The following ELAVL2 variants were observed in gnomAD, a reference collection of about 807,000 sequenced individuals.
The protein encoded by ELAVL2 is ELAV like RNA binding protein 2, also known as ELAV-like protein 2.
ELAVL2 carries 4 observed loss-of-function variants against 34.6 expected under a neutral mutation model. The ratio of observed to expected loss-of-function variants is 0.12; its 90% CI spans 0.06 to 0.26. The LOEUF (loss-of-function observed/expected upper bound fraction) is 0.26, where lower values mean the gene tolerates loss of function less well. ELAVL2 is among the 10% of genes least tolerant of loss of function. The pLI, the probability that ELAVL2 is intolerant of heterozygous loss-of-function variation, is 1.00. For synonymous variants in ELAVL2, 193 were observed against 154.8 expected, an observed-to-expected ratio of 1.25 and a Z score of -1.83; for missense variants, 432 against 442.8, an observed-to-expected ratio of 0.98 and a Z score of 0.22.
At chr9:23,740,781 A>G (rs1418713617) in intron 2 of ELAVL2, among the ~76,000 whole-genome samples, 1 of 152,222 alleles carries the variant, frequency 6.6e-6, no homozygotes, top group African/African-American at 2.4e-5. Flanking sequence ...TCCATTTAAA[A>G]TGGGCCTTGA....
chr9:23,706,722 C>G (rs1266183513), intron 3 of ELAVL2, among the ~76,000 whole-genome samples: 1 of 152,104 alleles, frequency 6.6e-6, no homozygotes, highest in East Asian at 1.9e-4. Flanking sequence ...TGGTACCCAC[C>G]TTTAATCCAG....
At chr9:23,824,864 G>C (rs565396982) in intron 1 of ELAVL2, among the ~76,000 whole-genome samples, 20 of 152,308 alleles carry the variant, frequency 1.3e-4, no homozygotes, top group Admixed American at 1.3e-3. Context: ...AGGAGGGGGT[G>C]AGGGCTACGT....
At chr9:23,695,441 A>T (rs2132799356) in intron 5 of ELAVL2, among the ~76,000 whole-genome samples, 2 of 152,234 alleles carry the variant, frequency 1.3e-5, no homozygotes, top group South Asian at 4.1e-4. Context: ...CCAGAGACAG[A>T]TGAGTTTTCA....
chr9:23,789,464 C>G (rs1564474292), intron 1 of ELAVL2, among the ~76,000 whole-genome samples: 1 of 152,146 alleles, frequency 6.6e-6, no homozygotes, highest in Non-Finnish European at 1.5e-5. Context: ...ATTGAGGAAA[C>G]AGTTCAAAAT....
chr9:23,698,263 C>T (rs939202943), intron 5 of ELAVL2, among the ~76,000 whole-genome samples: 1 of 152,192 alleles, frequency 6.6e-6, no homozygotes, highest in African/African-American at 2.4e-5. Context: ...GCTTGAATTA[C>T]ACCATCCATC....
rs2032819029 is a variant in ELAVL2 at position 23,690,481 on chromosome 9, G to A, written c.*2076C>T. The A allele has an allele frequency of 1.3e-5, 2 of 152,118 alleles. No individual in the cohort carries two copies. Among genetic ancestry groups the A allele is most frequent in the African/African-American group, 4.8e-5 (2 of 41,274 alleles). 9.4% of individuals were successfully genotyped at this position (152,118 alleles called of 1,614,324 possible). On this transcript the variant is annotated 3_prime_UTR_variant, in exon 7 of 7. Coordinates refer to ENST00000397312, the MANE Select transcript of ELAVL2 (RefSeq NM_004432.5). The stretch of plus-strand genomic sequence containing the variant: ...TTTTAAACGCAGAAGGTTAACTCTG[G>A]CAATCTAAATGCACCTAAGGATATG...
At chr9:23,776,566 A>T (rs1182838338) in intron 1 of ELAVL2, among the ~76,000 whole-genome samples, 1 of 152,114 alleles carries the variant, frequency 6.6e-6, no homozygotes, top group African/African-American at 2.4e-5. Flanking sequence ...AGATGCTGGG[A>T]AAACAAAGAT....
At chr9:23,805,559 C>T (rs1438764803) in intron 1 of ELAVL2, among the ~76,000 whole-genome samples, 1 of 152,202 alleles carries the variant, frequency 6.6e-6, no homozygotes. Flanking sequence ...GGAGCTGCTA[C>T]TGTACCTTGG....
intron 1 of ELAVL2, among the ~76,000 whole-genome samples, chr9:23,823,864 C>T (rs2065111951): frequency 2.0e-5 from 3 of 152,290 alleles, no homozygotes; most frequent in Admixed American, 1.3e-4. Context: ...TGTAAGTCTA[C>T]GTTTTATAGG....
At chr9:23,777,454 G>C (rs2058395639) in intron 1 of ELAVL2, among the ~76,000 whole-genome samples, 1 of 152,078 alleles carries the variant, frequency 6.6e-6, no homozygotes, top group African/African-American at 2.4e-5. Context: ...AGATGGTTTA[G>C]AAACGTGCCC....
chr9:23,700,728 T>C (rs1307850573), intron 5 of ELAVL2, among the ~76,000 whole-genome samples: 1 of 152,226 alleles, frequency 6.6e-6, no homozygotes, highest in Non-Finnish European at 1.5e-5. Flanking sequence ...CCAACCTGTT[T>C]GTAAACAATT....
intron 1 of ELAVL2, among the ~76,000 whole-genome samples, chr9:23,766,298 T>G: frequency 6.6e-6 from 1 of 152,136 alleles, no homozygotes; most frequent in East Asian, 1.9e-4. Flanking sequence ...CCTATGTTAT[T>G]TTTCAAAAAA....
chr9:23,807,601 T>C (rs1359060264), intron 1 of ELAVL2, among the ~76,000 whole-genome samples: 1 of 152,112 alleles, frequency 6.6e-6, no homozygotes, highest in Non-Finnish European at 1.5e-5. Flanking sequence ...ATAATTTAAA[T>C]GAATACTGGA....
intron 1 of ELAVL2, among the ~76,000 whole-genome samples, chr9:23,820,479 T>C (rs997612997): frequency 2.6e-5 from 4 of 152,208 alleles, no homozygotes; most frequent in African/African-American, 9.6e-5. Context: ...ACGATAGGAC[T>C]TGAAAATCTT....
chr9:23,830,632 T>G (rs1271199898), upstream of ELAVL2, among the ~76,000 whole-genome samples: 1 of 81,484 alleles, frequency 1.2e-5, no homozygotes, highest in Non-Finnish European at 2.9e-5. Context: ...ACACCTTTTT[T>G]TTTTTTTTCC....
At chr9:23,708,650 T>G (rs567457697) in intron 3 of ELAVL2, among the ~76,000 whole-genome samples, 93 of 152,314 alleles carry the variant, frequency 6.1e-4, no homozygotes, top group African/African-American at 2.2e-3. Flanking sequence ...TATTCCACTT[T>G]TTATTATTTT....
intron 1 of ELAVL2, among the ~76,000 whole-genome samples, chr9:23,818,245 C>G (rs557236238): frequency 6.6e-6 from 1 of 152,224 alleles, no homozygotes; most frequent in South Asian, 2.1e-4. Context: ...TCAAACAGTT[C>G]TATAATATAT....
In ELAVL2 at chr9:23,759,582, T is replaced by G. The variant is rs998199788; in HGVS notation, c.229+2424A>C. On this transcript the variant is annotated intron_variant, in intron 2 of 6. Coordinates refer to ENST00000397312, the MANE Select transcript of ELAVL2 (RefSeq NM_004432.5). ...ACACTCTCAAAGAAATTATGAATGT[T>G]TGAGATTTGGAAATGCTATAATACC... Among the ~76,000 whole-genome samples the G allele has an allele frequency of 1.6e-4, 24 of 151,490 alleles. 1 individual carries two copies. Among genetic ancestry groups the G allele is most frequent in the South Asian group, 2.1e-4 (1 of 4,806 alleles).
chr9:23,701,280 A>G, intron 5 of ELAVL2, 99 bp downstream of exon 5: 3 of 1,349,650 alleles, frequency 2.2e-6, no homozygotes, highest in Non-Finnish European at 3.1e-6. Flanking sequence ...AACACTGACA[A>G]AAGCAAACCA....
Sources: allele counts gnomAD v4.1 joint callset (sites outside exome capture counted in the v4.1 genomes callset), GRCh38; gene constraint gnomAD v4.1.1; transcripts MANE v1.5; gene names NCBI Gene and HGNC (gene_info 2026-07-23, HGNC 2026-07-21).